PARD3B: variants seen among roughly 807,000 people sequenced by gnomAD.
PARD3B encodes partitioning defective 3 homolog B.
A neutral mutation model predicts 130.2 loss-of-function variants in PARD3B; 103 were observed. The ratio of observed to expected loss-of-function variants is 0.79; its 90% CI spans 0.67 to 0.93. The LOEUF (loss-of-function observed/expected upper bound fraction) is 0.93. Among genes scored for constraint, PARD3B ranks in the 40% least tolerant of loss-of-function variants. PARD3B has a pLI of 0.00. For missense variants in PARD3B, 1,609 were observed against 1,499.2 expected, an observed-to-expected ratio of 1.07 and a Z score of -1.21; for synonymous variants, 583 against 553.2, an observed-to-expected ratio of 1.05 and a Z score of -0.76.
chr2:205,154,025 CA>C (rs770147925), intron 10 of PARD3B, among the ~76,000 whole-genome samples: 1 of 152,098 alleles, frequency 6.6e-6, no homozygotes, highest in Non-Finnish European at 1.5e-5. Flanking sequence ...GCAATGGCAA[CA>C]AAAGCCAAAA....
intron 15 of PARD3B, among the ~76,000 whole-genome samples, chr2:205,196,832 A>T (rs965753035): frequency 6.6e-6 from 1 of 152,114 alleles, no homozygotes. Flanking sequence ...AGTCCATCTC[A>T]TGTCAGCATC....
At chr2:205,399,332 G>GT (rs931429681) in intron 18 of PARD3B, among the ~76,000 whole-genome samples, 89 of 151,884 alleles carry the variant, frequency 5.9e-4, no homozygotes, top group African/African-American at 1.9e-3. Flanking sequence ...GTTTTGTTTT[G>GT]TTTTTTGTGT....
intron 1 of PARD3B, among the ~76,000 whole-genome samples, chr2:204,684,059 C>T (rs1317090793): frequency 6.6e-6 from 1 of 152,138 alleles, no homozygotes; most frequent in Admixed American, 6.6e-5. Context: ...CAAATCCTAT[C>T]TTTGGCTATT....
At chr2:205,173,162 C>T (rs548932133) in intron 12 of PARD3B, among the ~76,000 whole-genome samples, 21 of 151,896 alleles carry the variant, frequency 1.4e-4, no homozygotes, top group Non-Finnish European at 2.2e-4. Flanking sequence ...TTCTCTAAGG[C>T]CAAATTGTGT....
intron 10 of PARD3B, among the ~76,000 whole-genome samples, chr2:205,148,176 A>T (rs1339093140): frequency 1.3e-5 from 2 of 152,030 alleles, no homozygotes; most frequent in Non-Finnish European, 2.9e-5. Flanking sequence ...GTCTATCTAT[A>T]TAGTCTGTGT....
rs771977853 is a variant in PARD3B, at chr2:204,664,728, A to G, written c.121-21453A>G. ...CTTATTTCTTTGGCTATATTTCCTG[A>G]TAATAGTTTTCTGTAAGCTATGTGA... is the stretch of plus-strand genomic sequence containing the variant. On this transcript the variant is annotated intron_variant, in intron 1 of 22. Transcript: ENST00000406610. The surrounding 1 kb of genome is among the most constrained non-coding windows in gnomAD (Gnocchi z 5.2). Among the ~76,000 whole-genome samples, 15 of 152,144 alleles carry G rather than the reference A, an allele frequency of 9.9e-5. No homozygotes were observed. Among genetic ancestry groups the G allele is most frequent in the Non-Finnish European group, 1.8e-4 (12 of 68,036 alleles).
At chr2:205,543,812 G>A (rs1024331363) in intron 21 of PARD3B, among the ~76,000 whole-genome samples, 2 of 152,138 alleles carry the variant, frequency 1.3e-5, no homozygotes, top group African/African-American at 2.4e-5. Context: ...CTTGCCAACT[G>A]GCTGAAATAG....
At chr2:205,044,697 T>C (rs1698644351) in intron 3 of PARD3B, among the ~76,000 whole-genome samples, 1 of 152,192 alleles carries the variant, frequency 6.6e-6, no homozygotes, top group African/African-American at 2.4e-5. Context: ...AGAGTCTGGA[T>C]ATTAGCCCTT....
At chr2:205,138,323 A>G (rs2032663187) in intron 10 of PARD3B, among the ~76,000 whole-genome samples, 1 of 152,082 alleles carries the variant, frequency 6.6e-6, no homozygotes, top group Admixed American at 6.6e-5. Context: ...TTTTTACCTA[A>G]AACATTGTGG....
intron 10 of PARD3B, among the ~76,000 whole-genome samples, chr2:205,133,178 TAA>T (rs1393187642): frequency 6.6e-5 from 10 of 152,222 alleles, no homozygotes; most frequent in African/African-American, 1.9e-4. Flanking sequence ...TTCAGTGGTT[TAA>T]GTTACCATGA....
At chr2:204,782,133 G>A (rs2041854311) in intron 2 of PARD3B, among the ~76,000 whole-genome samples, 1 of 152,034 alleles carries the variant, frequency 6.6e-6, no homozygotes. Flanking sequence ...AATATCACTG[G>A]TTTCCTTATG....
Position 205,287,122 on chromosome 2 carries a change from G to A in PARD3B, c.2186-13408G>A. ...ACTTCTCACTGGTGTGGTTAGCTCT[G>A]TACTCACCATTCCTTCACCAGCAGT... On this transcript the variant is annotated intron_variant, in intron 16 of 22. Coordinates refer to ENST00000406610, the MANE Select transcript of PARD3B (RefSeq NM_001302769.2). The surrounding 1 kb of genome is among the most constrained non-coding windows in gnomAD (Gnocchi z 4.8). Among the ~76,000 whole-genome samples, 1 of 152,186 alleles carries A rather than the reference G, an allele frequency of 6.6e-6. No homozygotes were observed. The highest frequency in any genetic ancestry group is 1.9e-4 in the East Asian group (1 of 5,190).
In PARD3B at chr2:204,830,805, TA is replaced by T. The variant is rs1197311923; in HGVS notation, c.223-134346del. 2.0e-5 allele frequency among the ~76,000 whole-genome samples: 3 copies of T among 152,306 alleles called. No homozygotes were observed. In the East Asian group the frequency reaches 5.8e-4, roughly 29 times the overall value. On this transcript the variant is annotated intron_variant, in intron 2 of 22. Coordinates refer to ENST00000406610, the MANE Select transcript of PARD3B (RefSeq NM_001302769.2). ...GGAATAGAAGACCATGGGTACTCTGTAGTTAGAGAGAAGGGAATTTAGCCCA... is the reference window on the plus strand; with the variant it reads ...GGAATAGAAGACCATGGGTACTCTGTGTTAGAGAGAAGGGAATTTAGCCCA...
intron 18 of PARD3B, among the ~76,000 whole-genome samples, chr2:205,319,259 C>T (rs1170458606): frequency 1.3e-5 from 2 of 152,184 alleles, no homozygotes; most frequent in Non-Finnish European, 2.9e-5. Flanking sequence ...TCGGCTTCTA[C>T]TCTGGAATCC....
In PARD3B at chr2:205,078,997, G is replaced by A. The variant is rs1223614683; in HGVS notation, c.505-25429G>A. On this transcript the variant is annotated intron_variant, in intron 4 of 22. Transcript: ENST00000406610. This position sits in a 1 kb window ranked among gnomAD's most constrained non-coding sequence, Gnocchi z 4.0. ...GCAGCAGCCGACTCTACATCTGACTGCAGCCTTGTGAGAGACCCCAAGCGA... is the reference window on the plus strand; with the variant it reads ...GCAGCAGCCGACTCTACATCTGACTACAGCCTTGTGAGAGACCCCAAGCGA... 2.6e-5 allele frequency among the ~76,000 whole-genome samples: 4 copies of A among 152,194 alleles called. No homozygotes were observed. The highest frequency in any genetic ancestry group is 9.6e-5 in the African/African-American group (4 of 41,468).
chr2:204,639,113 A>G (rs182285416), intron 1 of PARD3B, among the ~76,000 whole-genome samples: 66 of 152,312 alleles, frequency 4.3e-4, no homozygotes, highest in Admixed American at 7.8e-4. Flanking sequence ...GGAAAAAGCT[A>G]TAGGACACAG....
rs962115217 is a variant in PARD3B at position 204,796,451 on chromosome 2, C to G, written c.222+110169C>G. Reference sequence around the variant, plus strand: ...GGACCAGAGAAAGAAATTTCTTCATCCCCTGGGCCAAGAGGCAAAGAAGTT... The same window carrying G: ...GGACCAGAGAAAGAAATTTCTTCATGCCCTGGGCCAAGAGGCAAAGAAGTT... On this transcript the variant is annotated intron_variant, in intron 2 of 22. Coordinates refer to ENST00000406610, the MANE Select transcript of PARD3B (RefSeq NM_001302769.2). 2.0e-5 allele frequency among the ~76,000 whole-genome samples: 3 copies of G among 152,208 alleles called. No homozygotes were observed. In the East Asian group the frequency reaches 5.8e-4, roughly 29 times the overall value.
intron 21 of PARD3B, among the ~76,000 whole-genome samples, chr2:205,502,423 T>G (rs958865659): frequency 2.0e-5 from 3 of 152,130 alleles, no homozygotes; most frequent in African/African-American, 7.2e-5. Context: ...ATGCGCCACG[T>G]GGTCATCAAG....
At chr2:204,657,091 TTTGA>T (rs2035663410) in intron 1 of PARD3B, among the ~76,000 whole-genome samples, 1 of 152,198 alleles carries the variant, frequency 6.6e-6, no homozygotes, top group African/African-American at 2.4e-5. Flanking sequence ...GGCCATACTG[TTTGA>T]TGCACAGATT....
Sources: gnomAD v4.1 joint callset for allele counts (sites outside exome capture counted in the v4.1 genomes callset) on GRCh38, gnomAD v4.1.1 for gene constraint, Gnocchi (gnomAD v3.1) non-coding constraint, MANE v1.5 for transcripts, NCBI Gene and HGNC (gene_info 2026-07-23, HGNC 2026-07-21) for gene names.